PPARGC1A: variants seen among roughly 807,000 people sequenced by gnomAD.
PPARGC1A encodes the protein peroxisome proliferator-activated receptor gamma coactivator 1-alpha.
Under a neutral mutation model 88.7 loss-of-function variants are expected in PPARGC1A, and 25 were observed. That is an observed-to-expected ratio of 0.28 (90% CI 0.21 to 0.39). PPARGC1A has a LOEUF of 0.39. Among genes scored for constraint, PPARGC1A ranks in the 10% least tolerant of loss-of-function variants. The pLI is 1.00. For missense variants in PPARGC1A, 880 were observed against 968.7 expected (o/e 0.91, Z 1.22); for synonymous variants, 363 against 355.6 (o/e 1.02, Z -0.24).
chr4:24,244,037 C>G, the PPARGC1A span, among the ~76,000 whole-genome samples: 1 of 152,272 alleles, frequency 6.6e-6, no homozygotes, highest in South Asian at 2.1e-4. Flanking sequence ...TTTTCACATT[C>G]AATAAACTAA....
chr4:24,208,246 A>T, the PPARGC1A span, among the ~76,000 whole-genome samples: 1 of 152,084 alleles, frequency 6.6e-6, no homozygotes, highest in East Asian at 1.9e-4. Flanking sequence ...ACATCCCACC[A>T]AACTCCAGCC....
intron 12 of PPARGC1A, 123 bp from the exon 13 acceptor site, chr4:23,796,048 T>C: frequency 4.1e-6 from 3 of 730,254 alleles, no homozygotes; most frequent in Non-Finnish European, 7.0e-6. Flanking sequence ...TAGAAAACAA[T>C]AGTCAGATTT....
At chr4:24,230,149 G>A in the PPARGC1A span, among the ~76,000 whole-genome samples, 9 of 152,222 alleles carry the variant, frequency 5.9e-5, no homozygotes, top group East Asian at 1.9e-4. Context: ...TGATTGCAGC[G>A]CTGCTCTTAG....
At chr4:24,317,164 GCATACTACCCTTAAC>G in the PPARGC1A span, among the ~76,000 whole-genome samples, 4 of 151,958 alleles carry the variant, frequency 2.6e-5, no homozygotes, top group Non-Finnish European at 5.9e-5. Flanking sequence ...CTAGGAGTGG[GCATACTACCCTTAAC>G]CATTGCAACT....
At chr4:24,334,975 A>G in the PPARGC1A span, among the ~76,000 whole-genome samples, 2 of 152,222 alleles carry the variant, frequency 1.3e-5, no homozygotes, top group Admixed American at 1.3e-4. Flanking sequence ...GTACTTAAAT[A>G]TTAGTTTCAA....
chr4:23,958,063 C>T, the PPARGC1A span, among the ~76,000 whole-genome samples: 2 of 152,042 alleles, frequency 1.3e-5, no homozygotes, highest in Non-Finnish European at 2.9e-5. Context: ...AGAGATGAAA[C>T]AAAAGCTTCC....
the PPARGC1A span, among the ~76,000 whole-genome samples, chr4:24,330,211 C>G: frequency 9.9e-5 from 15 of 152,194 alleles, 1 homozygote. Context: ...GTCCCCTCCC[C>G]TTGAATCTGA....
chr4:24,002,580 T>C, the PPARGC1A span, among the ~76,000 whole-genome samples: 1 of 150,454 alleles, frequency 6.6e-6, no homozygotes, highest in African/African-American at 2.4e-5. Context: ...CAGCGTTAAT[T>C]ATGGTTCTCA....
chr4:24,209,485 C>A, the PPARGC1A span, among the ~76,000 whole-genome samples: 1 of 152,124 alleles, frequency 6.6e-6, no homozygotes, highest in African/African-American at 2.4e-5. Context: ...GTCAGAGATC[C>A]CACTAAACAT....
the PPARGC1A span, among the ~76,000 whole-genome samples, chr4:24,248,278 C>T: frequency 6.6e-6 from 1 of 152,114 alleles, no homozygotes; most frequent in East Asian, 1.9e-4. Context: ...GCGCCCGCCA[C>T]CACGCCCGGC....
rs374066744 is a variant in PPARGC1A, at chr4:23,801,865, T to A, written c.2158A>T (p.Ile720Phe). 1 of 1,613,980 alleles carries A rather than the reference T, an allele frequency of 6.2e-7. No individual in the cohort carries two copies. Among genetic ancestry groups the A allele is most frequent in the Non-Finnish European group, 8.5e-7 (1 of 1,179,954 alleles). ...GCATCACAGGTATAACGGTAGGTAATGAAACCATAGCTGTCTCTGCAACGG... is the reference window on the plus strand; with the variant it reads ...GCATCACAGGTATAACGGTAGGTAAAGAAACCATAGCTGTCTCTGCAACGG... ...LRDDGDSYGF[I>F]TYRYTCDAFA... The change falls in exon 12 of 13, where the codon ATT becomes TTT. Residue 720 changes from isoleucine (I) to phenylalanine (F), a missense_variant. Ile to Phe is a conservative substitution (Grantham distance 21). Coordinates refer to ENST00000264867, the MANE Select transcript of PPARGC1A (RefSeq NM_013261.5).
the PPARGC1A span, among the ~76,000 whole-genome samples, chr4:24,195,154 C>T: frequency 6.6e-5 from 10 of 152,128 alleles, no homozygotes; most frequent in East Asian, 1.7e-3. Context: ...AGAGTACAGA[C>T]TCTTACACCT....
At chr4:24,010,781 G>A in the PPARGC1A span, among the ~76,000 whole-genome samples, 1 of 152,160 alleles carries the variant, frequency 6.6e-6, no homozygotes, top group African/African-American at 2.4e-5. Context: ...CCTCCTCTGA[G>A]CAGACTACAT....
chr4:24,072,167 TTATTAAATTAAATAATTTATA>T, the PPARGC1A span, among the ~76,000 whole-genome samples: 2 of 147,504 alleles, frequency 1.4e-5, no homozygotes, highest in Non-Finnish European at 3.0e-5. Context: ...TATTTTTATA[TTATTAAATTAAATAATTTATA>T]TATTAAATTA....
At chr4:24,080,141 A>T in the PPARGC1A span, among the ~76,000 whole-genome samples, 2 of 152,068 alleles carry the variant, frequency 1.3e-5, no homozygotes, top group Non-Finnish European at 2.9e-5. Context: ...ATTTGAGAAA[A>T]ATCGAAGTGC....
chr4:24,372,723 C>T, the PPARGC1A span, among the ~76,000 whole-genome samples: 1 of 152,128 alleles, frequency 6.6e-6, no homozygotes, highest in Non-Finnish European at 1.5e-5. Flanking sequence ...TGTGTGTAGT[C>T]TTGAGCAAGC....
the PPARGC1A span, among the ~76,000 whole-genome samples, chr4:23,939,508 A>C: frequency 3.9e-5 from 6 of 152,220 alleles, no homozygotes; most frequent in Non-Finnish European, 7.3e-5. Flanking sequence ...GCACATTTCA[A>C]AGATTATCAT....
At chr4:24,034,087 T>G in the PPARGC1A span, among the ~76,000 whole-genome samples, 26 of 152,168 alleles carry the variant, frequency 1.7e-4, no homozygotes, top group Admixed American at 3.9e-4. Context: ...TCTGCTGGAC[T>G]TGCAAAAAGT....
the PPARGC1A span, among the ~76,000 whole-genome samples, chr4:23,951,982 C>T: frequency 6.6e-6 from 1 of 152,060 alleles, no homozygotes; most frequent in African/African-American, 2.4e-5. Flanking sequence ...CGTTCATTTC[C>T]TCCCACTTCC....
Sources: allele counts gnomAD v4.1 joint callset (sites outside exome capture counted in the v4.1 genomes callset), GRCh38; gene constraint gnomAD v4.1.1; transcripts MANE v1.5; gene names NCBI Gene and HGNC (gene_info 2026-07-23, HGNC 2026-07-21).